The following COL13A1 variants were observed in gnomAD, a reference collection of about 807,000 sequenced individuals.
The protein encoded by COL13A1 is collagen alpha-1(XIII) chain.
In COL13A1, 89 loss-of-function variants were observed where a neutral mutation model predicts 130.9. The observed-to-expected ratio is 0.68, with a 90% CI of 0.57 to 0.81. COL13A1 has a LOEUF of 0.81. COL13A1 is among the 30% of genes least tolerant of loss of function. The pLI is 0.00. For missense variants in COL13A1, 879 were observed against 934.6 expected (o/e 0.94, Z 0.78); for synonymous variants, 402 against 341.6 (o/e 1.18, Z -1.95).
At chr10:69,939,640 C>A (rs1429941991) in intron 34 of COL13A1, among the ~76,000 whole-genome samples, 1 of 152,228 alleles carries the variant, frequency 6.6e-6, no homozygotes, top group Non-Finnish European at 1.5e-5. Flanking sequence ...ATTCTCAATG[C>A]TGGCTGCACA....
At chr10:69,927,596 AC>A (rs1170208741) in intron 27 of COL13A1, among the ~76,000 whole-genome samples, 1 of 152,194 alleles carries the variant, frequency 6.6e-6, no homozygotes, top group Admixed American at 6.5e-5. Context: ...ACAGGTGCCT[AC>A]CGGTGACAGG....
chr10:69,932,553 C>A lies in COL13A1; in HGVS notation c.1684-7C>A. ...GGCATTCATGCAGTGGTGTTTTGTGCCCACAGGGAGAGAAAGGAGAAGCCG... is the reference window on the plus strand; with the variant it reads ...GGCATTCATGCAGTGGTGTTTTGTGACCACAGGGAGAGAAAGGAGAAGCCG... On this transcript the variant is annotated splice_region_variant and splice_polypyrimidine_tract_variant and intron_variant, in intron 30 of 40. Transcript: ENST00000645393. The A allele has an allele frequency of 6.2e-7, 1 of 1,607,952 alleles. No homozygotes were observed. The highest frequency in any genetic ancestry group is 1.1e-5 in the South Asian group (1 of 90,690).
chr10:69,891,857 AG>A (rs924117386), intron 10 of COL13A1, among the ~76,000 whole-genome samples: 5 of 152,214 alleles, frequency 3.3e-5, no homozygotes, highest in African/African-American at 9.6e-5. Flanking sequence ...AGAGTGGCTA[AG>A]TACATTGCCT....
At position 69,802,701 on chromosome 10, in the gene COL13A1, A is replaced by G. The variant is rs1449601343; in HGVS notation, c.278A>G (p.Asn93Ser). 3 of 1,612,280 alleles carry G rather than the reference A, an allele frequency of 1.9e-6. No homozygotes were observed. Among genetic ancestry groups the G allele is most frequent in the South Asian group, 2.2e-5 (2 of 91,038 alleles). ...GAGACGGCTATTTTGGGACGAGTCA[A>G]TCAACTGCTGGACGAGGTCTGTGCT... Reference protein sequence around the residue: ...QMETAILGRVNQLLDEKWKLH... With the variant: ...QMETAILGRVSQLLDEKWKLH... Residue 93 changes from asparagine to serine, a missense_variant, in exon 1 of 41, where the codon AAT becomes AGT. By Grantham distance (46) the Asn-to-Ser change is conservative. Around this residue, in one of 3 missense-constraint regions of COL13A1, gnomAD observed 715 missense variants for 721.0 expected, o/e 0.99. Coordinates refer to ENST00000645393, the MANE Select transcript of COL13A1 (RefSeq NM_001368882.1).
At chr10:69,825,774 A>C (rs751697941) in intron 2 of COL13A1, among the ~76,000 whole-genome samples, 7 of 152,010 alleles carry the variant, frequency 4.6e-5, no homozygotes, top group Non-Finnish European at 7.4e-5. Flanking sequence ...ACACATAATC[A>C]TGGGCAGAAA....
chr10:69,938,605 C>T (rs1192412655), intron 34 of COL13A1, among the ~76,000 whole-genome samples: 4 of 152,176 alleles, frequency 2.6e-5, no homozygotes, highest in Non-Finnish European at 4.4e-5. Flanking sequence ...TTCCTCTGTC[C>T]TGGGCTCAAG....
intron 2 of COL13A1, among the ~76,000 whole-genome samples, chr10:69,863,804 T>C (rs960038591): frequency 9.9e-5 from 15 of 152,160 alleles, no homozygotes; most frequent in African/African-American, 3.6e-4. Context: ...AAGCCAGGCA[T>C]GGTGACTCAT....
At chr10:69,849,696 C>T (rs892859282) in intron 2 of COL13A1, among the ~76,000 whole-genome samples, 23 of 152,286 alleles carry the variant, frequency 1.5e-4, no homozygotes, top group African/African-American at 5.1e-4. Context: ...CAGCCTGCCT[C>T]GACCTGTGCC....
chr10:69,929,776 A>G (rs1026476312), intron 28 of COL13A1, among the ~76,000 whole-genome samples: 1 of 152,176 alleles, frequency 6.6e-6, no homozygotes, highest in Non-Finnish European at 1.5e-5. Flanking sequence ...TGGCTAAAAC[A>G]TGGACATGGA....
chr10:69,854,532 G>A (rs1260877820), intron 2 of COL13A1, among the ~76,000 whole-genome samples: 5 of 150,588 alleles, frequency 3.3e-5, no homozygotes, highest in Admixed American at 2.7e-4. Context: ...AAGATCACAC[G>A]ACTGCCCTCC....
At chr10:69,918,727 C>T (rs533770875) in intron 19 of COL13A1, among the ~76,000 whole-genome samples, 1 of 152,334 alleles carries the variant, frequency 6.6e-6, no homozygotes, top group South Asian at 2.1e-4. Flanking sequence ...AAAACAAGTG[C>T]TCAAATTCTA....
At chr10:69,909,832 G>C (rs2135345199) in intron 17 of COL13A1, among the ~76,000 whole-genome samples, 1 of 152,338 alleles carries the variant, frequency 6.6e-6, no homozygotes, top group East Asian at 1.9e-4. Context: ...CACATCTCTA[G>C]TTTAGAAAGT....
chr10:69,940,344 G>A (rs372249900), intron 34 of COL13A1, among the ~76,000 whole-genome samples: 1 of 152,196 alleles, frequency 6.6e-6, no homozygotes, highest in Non-Finnish European at 1.5e-5. Flanking sequence ...TCGAGTTTAG[G>A]TTGAGCATCT....
intron 6 of COL13A1, among the ~76,000 whole-genome samples, chr10:69,878,408 CT>C (rs752057912): frequency 3.3e-5 from 5 of 152,174 alleles, no homozygotes; most frequent in Admixed American, 1.3e-4. Flanking sequence ...TAGAGCCCCC[CT>C]GGGAAGTCAG....
At position 69,957,041 on chromosome 10, in the gene COL13A1, A is replaced by T; in HGVS notation, c.2183A>T (p.Lys728Met). 1.2e-6 allele frequency: 2 copies of T among 1,613,550 alleles called. No homozygotes were observed. Among genetic ancestry groups the T allele is most frequent in the Non-Finnish European group, 1.7e-6 (2 of 1,179,522 alleles). The change falls in exon 40 of 41, where the codon AAG becomes ATG. Residue 728 changes from lysine (K) to methionine (M), a missense_variant and splice_region_variant. Coordinates refer to ENST00000645393, the MANE Select transcript of COL13A1 (RefSeq NM_001368882.1). ...TTACCAGTCCAAGGCTGCTGGAACA[A>T]GGTAAGGCTTCCCATTGGTGTGCAC... Reference protein sequence around the residue: ...DGLPVQGCWNK With the variant: ...DGLPVQGCWNM
intron 30 of COL13A1, among the ~76,000 whole-genome samples, 165 bp from the exon 31 acceptor site, chr10:69,932,395 C>T (rs1366962114): frequency 6.6e-6 from 1 of 152,192 alleles, no homozygotes; most frequent in Non-Finnish European, 1.5e-5. Flanking sequence ...GTACTAGAGC[C>T]TCAGATTCTG....
chr10:69,897,055 T>A (rs1288793609), intron 13 of COL13A1, among the ~76,000 whole-genome samples: 1 of 151,916 alleles, frequency 6.6e-6, no homozygotes, highest in Non-Finnish European at 1.5e-5. Flanking sequence ...TCTCTGCCCC[T>A]CAGCCCAACA....
chr10:69,906,122 A>G (rs1313004984), intron 17 of COL13A1, among the ~76,000 whole-genome samples: 1 of 152,252 alleles, frequency 6.6e-6, no homozygotes, highest in African/African-American at 2.4e-5. Context: ...GGCAGACTTT[A>G]TTAAGTGCTA....
rs1305829136 is a variant in COL13A1 at position 69,928,930 on chromosome 10, C to T, written c.1423-7C>T. The T allele has an allele frequency of 6.2e-7, 1 of 1,611,710 alleles. No individual in the cohort carries two copies. The highest frequency in any genetic ancestry group is 8.5e-7 in the Non-Finnish European group (1 of 1,178,302). ...GTTCTTCCATGTGTCTTTCCTTTCT[C>T]TCCTAGGGGCCTCCTGGTCTTCCTG... On this transcript the variant is annotated splice_polypyrimidine_tract_variant and splice_region_variant and intron_variant, in intron 27 of 40. Coordinates refer to ENST00000645393, the MANE Select transcript of COL13A1 (RefSeq NM_001368882.1).
Sources: gnomAD v4.1 joint callset for allele counts (sites outside exome capture counted in the v4.1 genomes callset) on GRCh38, gnomAD v4.1.1 for gene constraint, gnomAD v4.1.1 regional missense constraint, MANE v1.5 for transcripts, NCBI Gene and HGNC (gene_info 2026-07-23, HGNC 2026-07-21) for gene names.